Variants in MEGF10 observed in about 807,000 individuals in gnomAD.
The protein encoded by MEGF10 is multiple EGF like domains 10, also known as multiple epidermal growth factor-like domains protein 10.
MEGF10 carries 86 observed loss-of-function variants against 147.5 expected under a neutral mutation model. The observed-to-expected ratio is 0.58, with a 90% CI of 0.49 to 0.70. The LOEUF (loss-of-function observed/expected upper bound fraction) is 0.70. Among genes scored for constraint, MEGF10 ranks in the 30% least tolerant of loss-of-function variants. MEGF10 has a pLI of 0.00. For synonymous variants in MEGF10, 478 were observed against 525.5 expected, an observed-to-expected ratio of 0.91 and a Z score of 1.24; for missense variants, 1,329 against 1,487.3, an observed-to-expected ratio of 0.89 and a Z score of 1.75.
chr5:127,364,488 A>G (rs1164656092), intron 4 of MEGF10, among the ~76,000 whole-genome samples: 2 of 152,242 alleles, frequency 1.3e-5, no homozygotes, highest in African/African-American at 4.8e-5. Context: ...CCAGTCTGCC[A>G]TCTTAATATA....
chr5:127,270,296 TAA>T, the MEGF10 span, among the ~76,000 whole-genome samples: 5 of 152,100 alleles, frequency 3.3e-5, no homozygotes, highest in African/African-American at 1.2e-4. Flanking sequence ...GCAAATTGGA[TAA>T]AGAGTCAAGA....
chr5:127,239,248 A>T, the MEGF10 span, among the ~76,000 whole-genome samples: 1 of 151,742 alleles, frequency 6.6e-6, no homozygotes, highest in African/African-American at 2.4e-5. Flanking sequence ...GCTATACAGG[A>T]TGTTATTGGA....
the MEGF10 span, among the ~76,000 whole-genome samples, chr5:127,263,314 G>T: frequency 4.3e-5 from 6 of 140,216 alleles, no homozygotes; most frequent in African/African-American, 1.1e-4. Flanking sequence ...TCTCGGGGGG[G>T]GGGTAAAATT....
chr5:127,335,565 A>G (rs931985256), intron 2 of MEGF10, among the ~76,000 whole-genome samples: 1 of 152,174 alleles, frequency 6.6e-6, no homozygotes, highest in African/African-American at 2.4e-5. Context: ...TGACAACTTA[A>G]TTGCCTAATG....
chr5:127,302,573 T>G (rs547446263), intron 1 of MEGF10, among the ~76,000 whole-genome samples: 1 of 152,274 alleles, frequency 6.6e-6, no homozygotes, highest in Admixed American at 6.5e-5. Context: ...CACAACAGGG[T>G]TAAAATGATG....
chr5:127,429,216 C>T (rs895885809), intron 13 of MEGF10, among the ~76,000 whole-genome samples: 3 of 152,154 alleles, frequency 2.0e-5, no homozygotes, highest in Non-Finnish European at 4.4e-5. Flanking sequence ...GAAGGAATTT[C>T]CTTAAGATGT....
chr5:127,291,565 T>G (rs74830027), intron 1 of MEGF10, among the ~76,000 whole-genome samples: 2,575 of 152,288 alleles, frequency 0.017, 63 homozygotes, highest in East Asian at 0.09. Flanking sequence ...TGCTCCCCTT[T>G]CCTGAGTTCT....
intron 4 of MEGF10, among the ~76,000 whole-genome samples, chr5:127,342,022 G>A (rs568951408): frequency 1.3e-5 from 2 of 152,312 alleles, no homozygotes; most frequent in African/African-American, 4.8e-5. Flanking sequence ...CCCACCAGCA[G>A]TAAATGAGAA....
At chr5:127,257,560 A>G in the MEGF10 span, among the ~76,000 whole-genome samples, 1 of 152,216 alleles carries the variant, frequency 6.6e-6, no homozygotes, top group Non-Finnish European at 1.5e-5. Flanking sequence ...TTTGTAAACC[A>G]AAAAGTATCT....
chr5:127,288,158 A>G (rs990462414), upstream of MEGF10, among the ~76,000 whole-genome samples: 4 of 152,118 alleles, frequency 2.6e-5, no homozygotes, highest in African/African-American at 9.7e-5. Flanking sequence ...ATAAGAAGCC[A>G]TAGAAAATCT....
Position 127,330,203 on chromosome 5 carries a change from C to T in MEGF10, c.-18-1088C>T, listed in dbSNP as rs150309466. On this transcript the variant is annotated intron_variant, in intron 1 of 24. Coordinates refer to ENST00000503335, the MANE Select transcript of MEGF10 (RefSeq NM_001256545.2). ...AGAGCCACTCCACTTCCTGCAACCC[C>T]ATTGCTGCTGCCTTGATCTGCTCAC... is the stretch of plus-strand genomic sequence containing the variant. Among the ~76,000 whole-genome samples the T allele has an allele frequency of 1.1e-4, 16 of 152,286 alleles. No homozygotes were observed. In the East Asian group the frequency reaches 2.9e-3, roughly 28 times the overall value.
chr5:127,310,295 T>C (rs959580149), intron 1 of MEGF10, among the ~76,000 whole-genome samples: 3 of 151,978 alleles, frequency 2.0e-5, no homozygotes, highest in Non-Finnish European at 4.4e-5. Context: ...TTGTAGGAGT[T>C]CTTTTTATAT....
At chr5:127,252,120 A>G in the MEGF10 span, among the ~76,000 whole-genome samples, 1 of 151,988 alleles carries the variant, frequency 6.6e-6, no homozygotes, top group African/African-American at 2.4e-5. Flanking sequence ...TATAATACCC[A>G]GGGTTAGTAA....
intron 12 of MEGF10, 42 bp from the exon 13 acceptor site, chr5:127,422,628 C>T (rs776970639): frequency 1.3e-6 from 2 of 1,516,466 alleles, no homozygotes; most frequent in Non-Finnish European, 1.8e-6. Context: ...TGTGGGATTT[C>T]CCAGGCCCTC....
intron 16 of MEGF10, among the ~76,000 whole-genome samples, chr5:127,436,567 TA>T (rs1454000876): frequency 4.6e-5 from 7 of 152,154 alleles, no homozygotes; most frequent in African/African-American, 1.2e-4. Context: ...TTGGGAAGAG[TA>T]AAAGGTCCAA....
At chr5:127,371,293 G>C (rs1312571014) in intron 5 of MEGF10, among the ~76,000 whole-genome samples, 3 of 149,406 alleles carry the variant, frequency 2.0e-5, no homozygotes, top group Non-Finnish European at 3.0e-5. Flanking sequence ...AAACTGTCTT[G>C]CAGGGTTTTG....
chr5:127,416,760 A>G (rs1174245250), intron 9 of MEGF10, among the ~76,000 whole-genome samples: 3 of 152,174 alleles, frequency 2.0e-5, no homozygotes. Context: ...GGCCCAAGGA[A>G]GCTGTATTTC....
At chr5:127,246,802 A>G in the MEGF10 span, among the ~76,000 whole-genome samples, 1 of 20,956 alleles carries the variant, frequency 4.8e-5, no homozygotes, top group Admixed American at 7.6e-4. Flanking sequence ...TAATATTTAT[A>G]AATATTTAAA....
the MEGF10 span, among the ~76,000 whole-genome samples, chr5:127,247,404 GAAGAAGAAGAA>G: frequency 3.3e-5 from 2 of 60,418 alleles, no homozygotes; most frequent in Admixed American, 1.7e-4. Context: ...AGAAGAAGAA[GAAGAAGAAGAA>G]GAAGAAGAAG....
Sources: allele counts gnomAD v4.1 joint callset (sites outside exome capture counted in the v4.1 genomes callset), GRCh38; gene constraint gnomAD v4.1.1; transcripts MANE v1.5; gene names NCBI Gene and HGNC (gene_info 2026-07-23, HGNC 2026-07-21).